The following ESRRB variants were observed in gnomAD, a reference collection of about 807,000 sequenced individuals.
ESRRB encodes steroid hormone receptor ERR2.
Under a neutral mutation model 46.0 loss-of-function variants are expected in ESRRB, and 16 were observed. That is an observed-to-expected ratio of 0.35 (90% CI 0.24 to 0.53). ESRRB has a LOEUF of 0.53. ESRRB is among the 20% of genes least tolerant of loss of function. The pLI, the probability that ESRRB is intolerant of heterozygous loss-of-function variation, is 0.93. For missense variants in ESRRB, 488 were observed against 607.4 expected (o/e 0.80, Z 2.07); for synonymous variants, 246 against 259.6 (o/e 0.95, Z 0.50).
At chr14:76,380,145 T>C (rs1468111202) in intron 1 of ESRRB, among the ~76,000 whole-genome samples, 1 of 152,148 alleles carries the variant, frequency 6.6e-6, no homozygotes, top group Non-Finnish European at 1.5e-5. Context: ...CAAGTGGTTT[T>C]TAAAGATAAT....
intron 3 of ESRRB, among the ~76,000 whole-genome samples, chr14:76,476,726 A>G (rs1339504007): frequency 6.6e-6 from 1 of 151,238 alleles, no homozygotes; most frequent in Non-Finnish European, 1.5e-5. Context: ...GTTCTCAGCC[A>G]TGGCGGCAGG....
chr14:76,442,558 G>T (rs1038638841), intron 2 of ESRRB, among the ~76,000 whole-genome samples: 1 of 152,082 alleles, frequency 6.6e-6, no homozygotes, highest in Admixed American at 6.6e-5. Flanking sequence ...AGAAGCTTAC[G>T]TGAGTTAATA....
chr14:76,434,368 C>T (rs1466751236), intron 1 of ESRRB, among the ~76,000 whole-genome samples: 2 of 152,088 alleles, frequency 1.3e-5, no homozygotes, highest in Non-Finnish European at 2.9e-5. Context: ...GAAATAACAG[C>T]GAAGCTGGGG....
At chr14:76,459,620 G>C (rs545043467) in intron 2 of ESRRB, among the ~76,000 whole-genome samples, 24 of 152,300 alleles carry the variant, frequency 1.6e-4, no homozygotes, top group Non-Finnish European at 2.2e-4. Context: ...ATAAAAGCTT[G>C]AATGAATTAG....
chr14:76,384,954 C>T (rs1053346181), intron 1 of ESRRB, among the ~76,000 whole-genome samples: 3 of 152,140 alleles, frequency 2.0e-5, no homozygotes, highest in South Asian at 4.2e-4. Context: ...TCTGAATTTC[C>T]ATGTCCCTTC....
rs1049827146 is a variant in ESRRB, at chr14:76,499,235, G to A, written c.*777G>A. On this transcript the variant is annotated 3_prime_UTR_variant, in exon 7 of 7. Coordinates refer to ENST00000644823, the MANE Select transcript of ESRRB (RefSeq NM_001379180.1). ...TCAGCCAGCCACAGCGACTCCAGGG[G>A]CTGTAGACAGGAACGCGCTGGCACA... is the stretch of plus-strand genomic sequence containing the variant. The A allele has an allele frequency of 1.9e-5, 5 of 261,456 alleles. No homozygotes were observed. Among genetic ancestry groups the A allele is most frequent in the African/African-American group, 4.5e-5 (2 of 44,590 alleles). 16.2% of individuals were successfully genotyped at this position (261,456 alleles called of 1,614,324 possible). A position where few individuals can be genotyped will look rare whatever the true frequency, so the allele number is the denominator to read the frequency against.
intron 1 of ESRRB, among the ~76,000 whole-genome samples, chr14:76,330,924 C>T (rs1027606386): frequency 6.6e-6 from 1 of 152,090 alleles, no homozygotes; most frequent in Non-Finnish European, 1.5e-5. Context: ...CTTGTACCCC[C>T]AAATCAATAG....
At chr14:76,380,322 A>G (rs902122256) in intron 1 of ESRRB, among the ~76,000 whole-genome samples, 8 of 152,124 alleles carry the variant, frequency 5.3e-5, no homozygotes, top group Admixed American at 5.2e-4. Context: ...TTGGCCATGA[A>G]TGCATAGGAT....
At position 76,397,712 on chromosome 14, in the gene ESRRB, C is replaced by T. The variant is rs563340951; in HGVS notation, c.50+21261C>T. 3.3e-5 allele frequency among the ~76,000 whole-genome samples: 5 copies of T among 152,252 alleles called. No homozygotes were observed. In the East Asian group the frequency reaches 9.7e-4, roughly 29 times the overall value. The stretch of plus-strand genomic sequence containing the variant: ...TTGAGACCAGGAGTTCGAGACCAGC[C>T]TGGGCAATGTAGCGAGACCTTGTCT... On this transcript the variant is annotated intron_variant, in intron 1 of 6. Transcript: ENST00000644823.
chr14:76,316,491 A>G (rs972449805), intron 1 of ESRRB, among the ~76,000 whole-genome samples: 47 of 150,612 alleles, frequency 3.1e-4, no homozygotes, highest in African/African-American at 1.0e-3. Flanking sequence ...CTCATTATTC[A>G]CCTTTGAAAT....
chr14:76,317,370 G>A (rs867792458), intron 1 of ESRRB, among the ~76,000 whole-genome samples: 30 of 148,244 alleles, frequency 2.0e-4, no homozygotes, highest in Admixed American at 7.4e-4. Flanking sequence ...TAGGGTTTAC[G>A]GCAACAATGG....
At chr14:76,403,282 C>G (rs1886019274) in intron 1 of ESRRB, among the ~76,000 whole-genome samples, 1 of 152,318 alleles carries the variant, frequency 6.6e-6, no homozygotes, top group South Asian at 2.1e-4. Flanking sequence ...AGGATTTGAA[C>G]CTAGTCCTGT....
At chr14:76,459,838 C>T (rs114061266) in intron 2 of ESRRB, among the ~76,000 whole-genome samples, 267 of 152,156 alleles carry the variant, frequency 1.8e-3, no homozygotes, top group African/African-American at 6.2e-3. Flanking sequence ...CCTCCAGCTC[C>T]CTCCCTGCAA....
chr14:76,470,638 G>A (rs1468691420), intron 3 of ESRRB, among the ~76,000 whole-genome samples: 1 of 152,224 alleles, frequency 6.6e-6, no homozygotes, highest in Non-Finnish European at 1.5e-5. Context: ...TGGAAAAAGG[G>A]AATGACATAT....
chr14:76,449,952 G>A (rs1888317838), intron 2 of ESRRB, among the ~76,000 whole-genome samples: 1 of 152,078 alleles, frequency 6.6e-6, no homozygotes, highest in Non-Finnish European at 1.5e-5. Flanking sequence ...GTAAAGCGGA[G>A]TCTCTCTATG....
intron 1 of ESRRB, among the ~76,000 whole-genome samples, chr14:76,351,072 G>A (rs61979369): frequency 0.19 from 28,731 of 152,178 alleles, 3,410 homozygotes; most frequent in Non-Finnish European, 0.27. Flanking sequence ...TGAGGCCGGT[G>A]AGCTTTGCAC....
rs948364558 is a variant in ESRRB, at chr14:76,482,910, T to C, written c.850+151T>C. On this transcript the variant is annotated intron_variant, in intron 5 of 6. Transcript: ENST00000644823. The surrounding 1 kb of genome is among the most constrained non-coding windows in gnomAD (Gnocchi z 4.3). ...GGCCTGTTTCTCTGAGCTCCTCTTCTCTCCTTGTAGCATTGGAGAGGAACA... is the reference window on the plus strand; with the variant it reads ...GGCCTGTTTCTCTGAGCTCCTCTTCCCTCCTTGTAGCATTGGAGAGGAACA... 3.4e-5 allele frequency: 30 copies of C among 889,972 alleles called. No individual in the cohort carries two copies. Among genetic ancestry groups the C allele is most frequent in the Middle Eastern group, 3.3e-4 (1 of 3,052 alleles). 55.1% of individuals were successfully genotyped at this position (889,972 alleles called of 1,614,324 possible).
chr14:76,416,412 G>A (rs929706561), intron 1 of ESRRB, among the ~76,000 whole-genome samples: 2 of 151,118 alleles, frequency 1.3e-5, no homozygotes, highest in Admixed American at 1.3e-4. Context: ...GCATGAACCT[G>A]CGCCCCGCCT....
intron 5 of ESRRB, among the ~76,000 whole-genome samples, chr14:76,485,531 C>T (rs1021661345): frequency 2.0e-5 from 3 of 152,064 alleles, no homozygotes; most frequent in South Asian, 2.1e-4. Context: ...CGTGAGCCAC[C>T]GTGCCTGGCC....
Sources: allele counts gnomAD v4.1 joint callset (sites outside exome capture counted in the v4.1 genomes callset), GRCh38; gene constraint gnomAD v4.1.1; non-coding constraint Gnocchi (gnomAD v3.1); transcripts MANE v1.5; gene names NCBI Gene and HGNC (gene_info 2026-07-23, HGNC 2026-07-21).